ZNF682: variants seen among roughly 807,000 people sequenced by gnomAD.
The protein encoded by ZNF682 is zinc finger protein 682.
Under a neutral mutation model 36.5 loss-of-function variants are expected in ZNF682, and 29 were observed. The observed-to-expected ratio is 0.80, with a 90% confidence interval of 0.59 to 1.08. The LOEUF is 1.08. Ranked by LOEUF, ZNF682 falls within the 50% of genes least tolerant of loss-of-function variation. ZNF682 has a pLI of 0.00. For missense variants in ZNF682, 561 were observed against 579.7 expected (o/e 0.97, Z 0.33); for synonymous variants, 180 against 197.0 (o/e 0.91, Z 0.72).
chr19:20,024,294 TAC>T lies in ZNF682; in HGVS notation c.84_85del (p.Tyr29Ter). 1 of 1,614,152 alleles carries T rather than the reference TAC, an allele frequency of 6.2e-7. No homozygotes were observed. The highest frequency in any genetic ancestry group is 8.5e-7 in the Non-Finnish European group (1 of 1,180,010). Reference sequence around the variant, plus strand: ...GTAGTTCTCTAGCATCACTTTCCTATACAAACTCTGCTGAGCAGGGTTCAGAA... The same window carrying T: ...GTAGTTCTCTAGCATCACTTTCCTATAAACTCTGCTGAGCAGGGTTCAGAA... On this transcript the variant is annotated frameshift_variant, in exon 2 of 4. Transcript: ENST00000397165. LOFTEE classifies it high-confidence loss of function.
intron 1 of ZNF682, among the ~76,000 whole-genome samples, chr19:20,025,084 G>A (rs1488930931): frequency 6.6e-6 from 1 of 152,178 alleles, no homozygotes; most frequent in Non-Finnish European, 1.5e-5. Flanking sequence ...CTGAGTTTCT[G>A]AATTTCTAAA....
chr19:20,024,655 T>C (rs1437977550), intron 1 of ZNF682, among the ~76,000 whole-genome samples: 1 of 152,138 alleles, frequency 6.6e-6, no homozygotes, highest in East Asian at 1.9e-4. Flanking sequence ...CTGGCCAACA[T>C]GGTGAAACCC....
chr19:20,007,348 T>C, intron 3 of ZNF682, 73 bp from the exon 4 acceptor site: 1 of 1,352,198 alleles, frequency 7.4e-7, no homozygotes, highest in Non-Finnish European at 9.8e-7. Context: ...ACAAATCTAA[T>C]ACAGAAAATT....
intron 3 of ZNF682, among the ~76,000 whole-genome samples, chr19:20,009,365 A>C (rs903452837): frequency 6.6e-6 from 1 of 152,212 alleles, no homozygotes; most frequent in South Asian, 2.1e-4. Context: ...GCTTCTGAGA[A>C]ATATGGAATT....
At chr19:20,028,730 A>G (rs189350766) in intron 1 of ZNF682, among the ~76,000 whole-genome samples, 39 of 152,316 alleles carry the variant, frequency 2.6e-4, no homozygotes, top group African/African-American at 7.0e-4. Context: ...TGGTCCTTTA[A>G]AGTTTCCAGA....
At chr19:20,007,506 G>T in intron 3 of ZNF682, 1 of 441,690 alleles carries the variant, frequency 2.3e-6, no homozygotes, top group Non-Finnish European at 3.9e-6. Context: ...TGTGGTTGAA[G>T]AGGAAGATGG....
In ZNF682 at chr19:20,006,174, T is replaced by C. The variant is rs370479013; in HGVS notation, c.1328A>G (p.His443Arg). The change falls in exon 4 of 4, where the codon CAT (histidine) becomes CGT (arginine). Residue 443 changes from histidine (H) to arginine (R), a missense_variant. Coordinates refer to ENST00000397165, the MANE Select transcript of ZNF682 (RefSeq NM_033196.3). ...AFNRCSHLTR[H>R]KKIHTAVKRY... ...TTTGACGGCAGTATGAATTTTCTTA[T>C]GTCTAGTAAGGTGTGAGCACCGATT... 62 of 1,613,046 alleles carry C rather than the reference T, an allele frequency of 3.8e-5. No individual in the cohort carries two copies. Among genetic ancestry groups the C allele is most frequent in the Non-Finnish European group, 5.1e-5 (60 of 1,179,236 alleles).
At chr19:20,028,211 C>T (rs969667584) in intron 1 of ZNF682, among the ~76,000 whole-genome samples, 5 of 55,720 alleles carry the variant, frequency 9.0e-5, no homozygotes, top group Non-Finnish European at 4.1e-5. Flanking sequence ...TTTGATTCTG[C>T]AGGTTTGTTT....
At chr19:20,032,951 A>T (rs1466121562) in intron 1 of ZNF682, among the ~76,000 whole-genome samples, 1 of 152,146 alleles carries the variant, frequency 6.6e-6, no homozygotes, top group Non-Finnish European at 1.5e-5. Flanking sequence ...TACTTGCTGA[A>T]GGTAGGGTTT....
chr19:20,002,951 G>A (rs2088178862), downstream of ZNF682, among the ~76,000 whole-genome samples: 1 of 152,082 alleles, frequency 6.6e-6, no homozygotes, highest in Admixed American at 6.6e-5. Context: ...AGCACTTTGG[G>A]AGGCTGAGGC....
At chr19:19,995,475 A>G (rs2088124303), downstream of ZNF682, among the ~76,000 whole-genome samples, 1 of 152,188 alleles carries the variant, frequency 6.6e-6, no homozygotes, top group Non-Finnish European at 1.5e-5. Flanking sequence ...AAGGAACGCA[A>G]AAAGGTCAAC....
chr19:20,002,416 A>G (rs1400008321), downstream of ZNF682, among the ~76,000 whole-genome samples: 1 of 152,134 alleles, frequency 6.6e-6, no homozygotes, highest in Non-Finnish European at 1.5e-5. Flanking sequence ...CTGGGTGCTG[A>G]AAGACGGGCC....
downstream of ZNF682, among the ~76,000 whole-genome samples, chr19:19,999,462 C>G (rs1440930418): frequency 6.6e-6 from 1 of 152,136 alleles, no homozygotes; most frequent in Non-Finnish European, 1.5e-5. Context: ...CTAATATGGC[C>G]ATCTGAAGCC....
chr19:20,015,184 A>G (rs2088324722), intron 3 of ZNF682: 5 of 984,990 alleles, frequency 5.1e-6, no homozygotes, highest in South Asian at 4.7e-5. Flanking sequence ...CCTTCAAATC[A>G]CAAGTGTTTC....
At chr19:20,030,961 G>A (rs1221448496) in intron 1 of ZNF682, 1 of 152,178 alleles carries the variant, frequency 6.6e-6, no homozygotes, top group Non-Finnish European at 1.5e-5. Flanking sequence ...CTCTTAGATG[G>A]TAGCAGAATT....
At chr19:20,038,613 T>TA (rs58388624) in intron 1 of ZNF682, among the ~76,000 whole-genome samples, 1,917 of 144,972 alleles carry the variant, frequency 0.013, 23 homozygotes, top group South Asian at 0.033. Flanking sequence ...GTTCCTACAT[T>TA]AAAAAAAAAA....
chr19:20,012,583 C>A (rs906910561), intron 3 of ZNF682, among the ~76,000 whole-genome samples: 11 of 151,836 alleles, frequency 7.2e-5, no homozygotes, highest in African/African-American at 2.7e-4. Context: ...CTGGCTAACA[C>A]GGTGAAACCC....
chr19:20,015,806 C>T, intron 3 of ZNF682: 1 of 397,984 alleles, frequency 2.5e-6, no homozygotes, highest in East Asian at 3.6e-5. Flanking sequence ...ATATGTTGCT[C>T]TTCTTTTTAC....
At chr19:20,027,944 T>C (rs2122375296) in intron 1 of ZNF682, among the ~76,000 whole-genome samples, 1 of 152,096 alleles carries the variant, frequency 6.6e-6, no homozygotes, top group East Asian at 1.9e-4. Context: ...CTGAACTCAA[T>C]TCTCACTTAT....
Sources: gnomAD v4.1 joint callset for allele counts (sites outside exome capture counted in the v4.1 genomes callset) on GRCh38, gnomAD v4.1.1 for gene constraint, MANE v1.5 for transcripts, NCBI Gene and HGNC (gene_info 2026-07-23, HGNC 2026-07-21) for gene names.